Variants in DRC9 observed in about 807,000 individuals in gnomAD.
DRC9 encodes the protein dynein regulatory complex subunit 9.
At chr3:197,943,760 T>A in the DRC9 span, 1 of 1,598,298 alleles carries the variant, frequency 6.3e-7, no homozygotes, top group Non-Finnish European at 8.6e-7. Flanking sequence ...AATTAACTCA[T>A]GGTGAGTGGG....
chr3:197,892,136 C>T, the DRC9 span, among the ~76,000 whole-genome samples: 3 of 152,220 alleles, frequency 2.0e-5, no homozygotes, highest in Non-Finnish European at 2.9e-5. Context: ...CTGATCTGCT[C>T]GCCTCGGCCT....
At chr3:197,909,001 G>A in the DRC9 span, among the ~76,000 whole-genome samples, 3 of 151,818 alleles carry the variant, frequency 2.0e-5, no homozygotes, top group South Asian at 2.1e-4. Flanking sequence ...AAGGAAGTGC[G>A]GTGTCCTCAG....
the DRC9 span, among the ~76,000 whole-genome samples, chr3:197,902,027 GAGTT>G: frequency 6.6e-6 from 1 of 152,194 alleles, no homozygotes; most frequent in South Asian, 2.1e-4. Context: ...GCTCAGCAAA[GAGTT>G]AGAGACTCTG....
chr3:197,897,031 T>C, the DRC9 span, among the ~76,000 whole-genome samples: 4 of 152,100 alleles, frequency 2.6e-5, no homozygotes, highest in Non-Finnish European at 5.9e-5. Context: ...AATAAAATGG[T>C]CAAACCTTTA....
the DRC9 span, among the ~76,000 whole-genome samples, chr3:197,896,890 C>CA: frequency 2.4e-4 from 37 of 151,982 alleles, no homozygotes; most frequent in Non-Finnish European, 4.1e-4. Context: ...CTTTCCCCTT[C>CA]AAAAAAAATC....
the DRC9 span, chr3:197,938,573 T>C: frequency 1.2e-6 from 2 of 1,613,438 alleles, no homozygotes; most frequent in Non-Finnish European, 1.7e-6. Flanking sequence ...TTCTTCAGTG[T>C]CTCCGTAGTC....
chr3:197,897,334 A>G, the DRC9 span, among the ~76,000 whole-genome samples: 1 of 152,210 alleles, frequency 6.6e-6, no homozygotes, highest in Non-Finnish European at 1.5e-5. Flanking sequence ...AATATAATTA[A>G]GAGAGACAAG....
At chr3:197,944,420 G>A in the DRC9 span, among the ~76,000 whole-genome samples, 1 of 151,554 alleles carries the variant, frequency 6.6e-6, no homozygotes, top group East Asian at 1.9e-4. Flanking sequence ...TACCACACCT[G>A]GCTAAGTTTG....
chr3:197,925,873 C>T, the DRC9 span: 2,676 of 611,548 alleles, frequency 4.4e-3, 36 homozygotes, highest in African/African-American at 0.035. Context: ...CGTGAGCCAC[C>T]GTGCCCGGCT....
At chr3:197,958,752 TGCA>T in the DRC9 span, 1 of 152,370 alleles carries the variant, frequency 6.6e-6, no homozygotes, top group African/African-American at 2.4e-5. Context: ...ACTGAGATGA[TGCA>T]GCATTTGTAA....
At chr3:197,932,993 A>G in the DRC9 span, among the ~76,000 whole-genome samples, 5,695 of 141,502 alleles carry the variant, frequency 0.04, 139 homozygotes, top group South Asian at 0.074. Flanking sequence ...TATATATTAC[A>G]TATTATATAT....
chr3:197,909,730 T>C, the DRC9 span, among the ~76,000 whole-genome samples: 27,618 of 152,238 alleles, frequency 0.18, 4,433 homozygotes, highest in African/African-American at 0.44. Context: ...CAGTGGCTCA[T>C]GCCTGTAATC....
At chr3:197,913,337 C>CGTGCGTGCGTGT in the DRC9 span, 7 of 205,718 alleles carry the variant, frequency 3.4e-5, no homozygotes, top group South Asian at 5.7e-4. Flanking sequence ...TGCGTGCGTG[C>CGTGCGTGCGTGT]GTGCGTGCGT....
At chr3:197,951,274 T>A in the DRC9 span, 2 of 1,614,144 alleles carry the variant, frequency 1.2e-6, no homozygotes, top group Non-Finnish European at 1.7e-6. Flanking sequence ...AGAATTCTAT[T>A]TGGGCAAGAG....
At chr3:197,932,631 CAATAAATA>C in the DRC9 span, among the ~76,000 whole-genome samples, 6,621 of 142,962 alleles carry the variant, frequency 0.046, 529 homozygotes, top group African/African-American at 0.16. Context: ...GACTCCGTCT[CAATAAATA>C]AATAAATAAA....
the DRC9 span, chr3:197,912,761 A>G: frequency 5.0e-6 from 8 of 1,605,994 alleles, no homozygotes; most frequent in African/African-American, 8.0e-5. Flanking sequence ...TGTAAGAACA[A>G]TCAGATACCA....
At chr3:197,900,162 G>A in the DRC9 span, among the ~76,000 whole-genome samples, 1 of 152,286 alleles carries the variant, frequency 6.6e-6, no homozygotes, top group African/African-American at 2.4e-5. This position sits in a 1 kb window ranked among gnomAD's most constrained non-coding sequence, Gnocchi z 4.7. Flanking sequence ...CGCCGCTCTG[G>A]GGTCCTCAAT....
At chr3:197,935,804 C>T in the DRC9 span, among the ~76,000 whole-genome samples, 1 of 151,984 alleles carries the variant, frequency 6.6e-6, no homozygotes, top group Admixed American at 6.6e-5. Flanking sequence ...TTCAACATGA[C>T]CATTCACGTT....
chr3:197,927,036 T>C, the DRC9 span, among the ~76,000 whole-genome samples: 1 of 152,150 alleles, frequency 6.6e-6, no homozygotes, highest in Admixed American at 6.5e-5. Flanking sequence ...ACTTAACTAC[T>C]TTGTATGACT....
Sources: gnomAD v4.1 joint callset for allele counts (sites outside exome capture counted in the v4.1 genomes callset) on GRCh38, gnomAD v4.1.1 for gene constraint, Gnocchi (gnomAD v3.1) non-coding constraint, MANE v1.5 for transcripts, NCBI Gene and HGNC (gene_info 2026-07-23, HGNC 2026-07-21) for gene names.